Variants in ANKRD6 observed in about 807,000 individuals in gnomAD.
ANKRD6 encodes ankyrin repeat domain-containing protein 6.
Under a neutral mutation model 82.3 loss-of-function variants are expected in ANKRD6, and 56 were observed. The ratio of observed to expected loss-of-function variants is 0.68; its 90% CI spans 0.55 to 0.85. ANKRD6 has a LOEUF of 0.85. Ranked by LOEUF, ANKRD6 falls within the 40% of genes least tolerant of loss-of-function variation. ANKRD6 has a pLI of 0.00. For synonymous variants in ANKRD6, 347 were observed against 352.1 expected, an observed-to-expected ratio of 0.99 and a Z score of 0.16; for missense variants, 852 against 907.6, an observed-to-expected ratio of 0.94 and a Z score of 0.79.
At chr6:89,456,502 G>A (rs570787821) in intron 1 of ANKRD6, among the ~76,000 whole-genome samples, 21 of 152,268 alleles carry the variant, frequency 1.4e-4, no homozygotes, top group East Asian at 1.2e-3. Context: ...GCCTCTGTGC[G>A]TGTGCATCCT....
At chr6:89,617,865 C>G in intron 8 of ANKRD6, 89 bp from the exon 9 acceptor site, 3 of 1,291,894 alleles carry the variant, frequency 2.3e-6, no homozygotes, top group Non-Finnish European at 3.3e-6. Flanking sequence ...TGTGGAACTG[C>G]CTGCTCCTGG....
At chr6:89,501,382 A>G (rs565555245) in intron 1 of ANKRD6, among the ~76,000 whole-genome samples, 2 of 152,286 alleles carry the variant, frequency 1.3e-5, no homozygotes, top group Admixed American at 1.3e-4. Context: ...CTGCATTTGC[A>G]TTTGAGAGGG....
chr6:89,446,458 G>A (rs547184461), intron 1 of ANKRD6, among the ~76,000 whole-genome samples: 2 of 152,296 alleles, frequency 1.3e-5, no homozygotes, highest in East Asian at 1.9e-4. Context: ...TTCACTTTAA[G>A]TCAAGAGTTA....
intron 1 of ANKRD6, among the ~76,000 whole-genome samples, chr6:89,458,116 G>C (rs1014690787): frequency 1.3e-5 from 2 of 152,146 alleles, no homozygotes; most frequent in African/African-American, 4.8e-5. Context: ...CTAGCCTCCA[G>C]AACTGTGAGA....
At chr6:89,578,925 G>C (rs1253809815) in intron 2 of ANKRD6, among the ~76,000 whole-genome samples, 3 of 152,176 alleles carry the variant, frequency 2.0e-5, no homozygotes, top group African/African-American at 7.2e-5. Context: ...CTTGTTTCCA[G>C]CACCTCCATA....
intron 3 of ANKRD6, among the ~76,000 whole-genome samples, chr6:89,598,660 T>C (rs1796413729): frequency 6.6e-6 from 1 of 152,154 alleles, no homozygotes; most frequent in South Asian, 2.1e-4. Flanking sequence ...AATCCCAAAG[T>C]GAGAAACACT....
rs766359318 is a variant in ANKRD6, at chr6:89,491,130, C to T, written c.-144+57755C>T. Among the ~76,000 whole-genome samples, 32 of 152,122 alleles carry T rather than the reference C, an allele frequency of 2.1e-4. No individual in the cohort carries two copies. The East Asian group carries it at 2.9e-3, about 14-fold the overall frequency. ...AGAGCTTCCAGAGGGAACACAGCTC[C>T]GCCGACAACTTCATTTTGGACTCCT... On this transcript the variant is annotated intron_variant, in intron 1 of 15. Transcript: ENST00000339746.
intron 8 of ANKRD6, 51 bp from the exon 9 acceptor site, chr6:89,617,903 C>T (rs548218278): frequency 3.5e-5 from 54 of 1,555,534 alleles, no homozygotes; most frequent in Admixed American, 1.0e-4. Flanking sequence ...GGGCTATGTG[C>T]GTGTGGGACC....
chr6:89,587,276 G>T lies in ANKRD6; in HGVS notation c.121-8640G>T, dbSNP rs536230195. 4.0e-5 allele frequency among the ~76,000 whole-genome samples: 6 copies of T among 151,744 alleles called. No homozygotes were observed. The East Asian group carries it at 9.7e-4, about 24-fold the overall frequency. ...GAGGCCGAGGCAGGCAGATCATGAG[G>T]TCAAGAGATCAAGACCCTCCTGGCC... is the stretch of plus-strand genomic sequence containing the variant. On this transcript the variant is annotated intron_variant, in intron 2 of 15. Transcript: ENST00000339746.
At chr6:89,598,767 A>G (rs546577467) in intron 3 of ANKRD6, among the ~76,000 whole-genome samples, 21 of 152,340 alleles carry the variant, frequency 1.4e-4, no homozygotes, top group Non-Finnish European at 2.8e-4. Context: ...CAGGCCCTTC[A>G]GGTTTCCAGC....
chr6:89,446,902 G>A (rs949970780), intron 1 of ANKRD6, among the ~76,000 whole-genome samples: 4 of 152,146 alleles, frequency 2.6e-5, no homozygotes, highest in African/African-American at 9.7e-5. Flanking sequence ...ACTTCTTGCT[G>A]CTGCCATGTG....
intron 1 of ANKRD6, among the ~76,000 whole-genome samples, chr6:89,447,829 A>T (rs543667156): frequency 7.0e-6 from 1 of 142,998 alleles, no homozygotes; most frequent in Non-Finnish European, 1.5e-5. Context: ...CTGGGATTAC[A>T]GGCATGTGCC....
intron 1 of ANKRD6, among the ~76,000 whole-genome samples, chr6:89,533,463 C>G (rs555133305): frequency 6.6e-6 from 1 of 152,168 alleles, no homozygotes; most frequent in Non-Finnish European, 1.5e-5. Flanking sequence ...TCCTGATAGT[C>G]ACACCATAGG....
chr6:89,599,045 T>G (rs77486562), intron 3 of ANKRD6, among the ~76,000 whole-genome samples: 1,624 of 152,178 alleles, frequency 0.011, 14 homozygotes, highest in Non-Finnish European at 0.019. Context: ...ATCAATAAAA[T>G]GAGAGAATTA....
intron 9 of ANKRD6, 150 bp downstream of exon 9, chr6:89,618,181 G>A: frequency 3.5e-6 from 3 of 847,338 alleles, no homozygotes; most frequent in Non-Finnish European, 6.0e-6. Flanking sequence ...TGGGGGCCCA[G>A]GATGACGGGA....
In ANKRD6 at chr6:89,633,238, G is replaced by C. The variant is rs1376719597; in HGVS notation, c.*2234G>C. On this transcript the variant is annotated 3_prime_UTR_variant, in exon 16 of 16. Coordinates refer to ENST00000339746, the MANE Select transcript of ANKRD6 (RefSeq NM_001242809.2). The stretch of plus-strand genomic sequence containing the variant: ...AACAAATAGAGGTGATGAAGACACA[G>C]AACAGGCTCAGTCAGCATCCTCACC... The C allele has an allele frequency of 6.6e-6, 1 of 152,228 alleles. No individual in the cohort carries two copies. The highest frequency in any genetic ancestry group is 1.5e-5 in the Non-Finnish European group (1 of 68,038). 9.4% of individuals were successfully genotyped at this position (152,228 alleles called of 1,614,324 possible). A position where few individuals can be genotyped will look rare whatever the true frequency, so the allele number is the denominator to read the frequency against.
chr6:89,621,832 A>G (rs755787171), intron 9 of ANKRD6, 90 bp from the exon 10 acceptor site: 7 of 1,280,306 alleles, frequency 5.5e-6, no homozygotes, highest in Admixed American at 1.9e-5. Context: ...TGTAAATTCC[A>G]TTAGGTCAGA....
intron 4 of ANKRD6, among the ~76,000 whole-genome samples, chr6:89,605,630 A>T (rs1364647077): frequency 6.6e-6 from 1 of 152,150 alleles, no homozygotes; most frequent in Admixed American, 6.5e-5. Flanking sequence ...AGGGTGGTGG[A>T]GGTGGGAAGA....
At position 89,567,800 on chromosome 6, in the gene ANKRD6, C is replaced by G. The variant is rs1788868316; in HGVS notation, c.120+704C>G. 1.3e-5 allele frequency among the ~76,000 whole-genome samples: 2 copies of G among 152,184 alleles called. 1 individual carries two copies. The highest frequency in any genetic ancestry group is 1.3e-4 in the Admixed American group (2 of 15,266). On this transcript the variant is annotated intron_variant, in intron 2 of 15. Transcript: ENST00000339746. ...TTCTAGAAGAGATTCTCTTCTCATT[C>G]CTGTTTTGGAGAGGAGGAAACTTGT... is the stretch of plus-strand genomic sequence containing the variant.
Sources: allele counts gnomAD v4.1 joint callset (sites outside exome capture counted in the v4.1 genomes callset), GRCh38; gene constraint gnomAD v4.1.1; transcripts MANE v1.5; gene names NCBI Gene and HGNC (gene_info 2026-07-23, HGNC 2026-07-21).